Variants in XYLT1 observed in about 807,000 individuals in gnomAD.
XYLT1 encodes beta-D-xylosyltransferase 1.
In XYLT1, 36 loss-of-function variants were observed where a neutral mutation model predicts 91.3. That is an observed-to-expected ratio of 0.39 (90% CI 0.30 to 0.52). The LOEUF is 0.52. Ranked by LOEUF, XYLT1 falls within the 20% of genes least tolerant of loss-of-function variation. The pLI is 0.68. For missense variants in XYLT1, 1,242 were observed against 1,284.5 expected, an observed-to-expected ratio of 0.97 and a Z score of 0.51; for synonymous variants, 588 against 532.0, an observed-to-expected ratio of 1.11 and a Z score of -1.45.
intron 5 of XYLT1, among the ~76,000 whole-genome samples, chr16:17,162,210 C>A (rs2031571864): frequency 6.6e-6 from 1 of 152,022 alleles, no homozygotes; most frequent in African/African-American, 2.4e-5. Context: ...GAGTTTGAGA[C>A]CAGCCCGGCC....
chr16:17,109,758 A>C (rs576264686), intron 11 of XYLT1, among the ~76,000 whole-genome samples: 168 of 152,350 alleles, frequency 1.1e-3, no homozygotes, highest in African/African-American at 3.9e-3. Flanking sequence ...AGCCCTTTAC[A>C]GAAAAATTTT....
At chr16:17,423,351 T>C (rs921606063) in intron 1 of XYLT1, among the ~76,000 whole-genome samples, 1 of 149,872 alleles carries the variant, frequency 6.7e-6, no homozygotes, top group Non-Finnish European at 1.5e-5. Context: ...CAGGGGCAGC[T>C]GAGTCTCCTC....
At chr16:17,232,511 C>A (rs1001809375) in intron 3 of XYLT1, among the ~76,000 whole-genome samples, 2 of 147,766 alleles carry the variant, frequency 1.4e-5, no homozygotes, top group Non-Finnish European at 3.0e-5. Flanking sequence ...ATAAAACTTG[C>A]AAAGGGCTTT....
chr16:17,421,865 TCTCA>T (rs779903958), intron 1 of XYLT1, among the ~76,000 whole-genome samples: 3 of 151,782 alleles, frequency 2.0e-5, no homozygotes, highest in Non-Finnish European at 1.5e-5. Context: ...CAAGACCGAG[TCTCA>T]CTCAATCACC....
chr16:17,451,827 A>C (rs899069574), intron 1 of XYLT1, among the ~76,000 whole-genome samples: 2 of 152,208 alleles, frequency 1.3e-5, no homozygotes, highest in Admixed American at 1.3e-4. Flanking sequence ...TACAAGACAC[A>C]GTAAGGCATG....
intron 2 of XYLT1, among the ~76,000 whole-genome samples, chr16:17,339,357 A>G (rs1021694990): frequency 6.6e-6 from 1 of 152,222 alleles, no homozygotes; most frequent in African/African-American, 2.4e-5. Flanking sequence ...CGAGACTTTG[A>G]CACCAACAGA....
At chr16:17,360,968 A>G (rs114696888) in intron 1 of XYLT1, among the ~76,000 whole-genome samples, 2,291 of 152,268 alleles carry the variant, frequency 0.015, 53 homozygotes, top group African/African-American at 0.052. Context: ...ATCTATTGCA[A>G]TGGCTCAGTT....
At chr16:17,195,853 A>G (rs2032417288) in intron 5 of XYLT1, among the ~76,000 whole-genome samples, 1 of 152,252 alleles carries the variant, frequency 6.6e-6, no homozygotes, top group African/African-American at 2.4e-5. Flanking sequence ...GCAGAGGAGA[A>G]GTACAGGAAG....
At chr16:17,455,862 C>T (rs1230827348) in intron 1 of XYLT1, among the ~76,000 whole-genome samples, 1 of 152,206 alleles carries the variant, frequency 6.6e-6, no homozygotes, top group East Asian at 1.9e-4. Context: ...TACAGCAAAA[C>T]CTGCGCTGGA....
At chr16:17,338,597 T>G (rs1188207420) in intron 2 of XYLT1, 1 of 428,552 alleles carries the variant, frequency 2.3e-6, no homozygotes, top group African/African-American at 2.0e-5. Flanking sequence ...TGTCCCCTTA[T>G]CCTGGTCATT....
chr16:17,412,086 C>G (rs1220489295), intron 1 of XYLT1, among the ~76,000 whole-genome samples: 1 of 152,042 alleles, frequency 6.6e-6, no homozygotes, highest in African/African-American at 2.4e-5. Context: ...TAGCGAGTGT[C>G]CAGAACCTCA....
chr16:17,298,019 CAA>C (rs60593780), intron 2 of XYLT1, among the ~76,000 whole-genome samples: 9 of 105,588 alleles, frequency 8.5e-5, no homozygotes, highest in Admixed American at 9.5e-5. Context: ...GACTCCGTCT[CAA>C]AAAAAAAAAA....
chr16:17,111,483 A>C (rs1966840716), intron 11 of XYLT1, among the ~76,000 whole-genome samples: 1 of 152,184 alleles, frequency 6.6e-6, no homozygotes, highest in Admixed American at 6.5e-5. Context: ...CTAGGATTAC[A>C]AGAAACCTTC....
At chr16:17,220,626 CCA>C (rs1324595923) in intron 3 of XYLT1, among the ~76,000 whole-genome samples, 1 of 152,166 alleles carries the variant, frequency 6.6e-6, no homozygotes, top group Non-Finnish European at 1.5e-5. Flanking sequence ...GTGTGTGCCA[CCA>C]CACTCGGCTA....
In XYLT1 at chr16:17,470,880, G is replaced by T. The variant is rs979974870; in HGVS notation, c.-84C>A. Reference sequence around the variant, plus strand: ...CGCGCTCCCCGCAGCTCCCGCGGCCGCCGGCTGCCGCTCGGGCTCCCGCTC... The same window carrying T: ...CGCGCTCCCCGCAGCTCCCGCGGCCTCCGGCTGCCGCTCGGGCTCCCGCTC... On this transcript the variant is annotated 5_prime_UTR_variant, in exon 1 of 12. Transcript: ENST00000261381. The T allele has an allele frequency of 3.1e-4, 256 of 824,764 alleles. No individual in the cohort carries two copies. Among genetic ancestry groups the T allele is most frequent in the Non-Finnish European group, 3.3e-4 (249 of 753,306 alleles). 51.1% of individuals were successfully genotyped at this position (824,764 alleles called of 1,614,324 possible).
chr16:17,304,870 G>A (rs1370967408), intron 2 of XYLT1, among the ~76,000 whole-genome samples: 1 of 152,126 alleles, frequency 6.6e-6, no homozygotes, highest in African/African-American at 2.4e-5. Context: ...CTTGGGTTTG[G>A]ATAGTAAAAT....
At chr16:17,228,180 G>T (rs1023875687) in intron 3 of XYLT1, among the ~76,000 whole-genome samples, 5 of 152,212 alleles carry the variant, frequency 3.3e-5, no homozygotes, top group African/African-American at 1.2e-4. Flanking sequence ...AGCCCCTGGG[G>T]AAGCCCAACT....
At chr16:17,465,079 G>A (rs1241189097) in intron 1 of XYLT1, among the ~76,000 whole-genome samples, 3 of 142,726 alleles carry the variant, frequency 2.1e-5, no homozygotes, top group Middle Eastern at 3.6e-3. Flanking sequence ...AGGAGGCGGA[G>A]GTTGCAGTGA....
chr16:17,158,966 C>A (rs1215911283), intron 5 of XYLT1, 57 bp from the exon 6 acceptor site: 18 of 1,502,914 alleles, frequency 1.2e-5, no homozygotes, highest in Non-Finnish European at 1.5e-5. Flanking sequence ...CTGTCTTTGT[C>A]ACAGAAAGCA....
Sources: allele counts gnomAD v4.1 joint callset (sites outside exome capture counted in the v4.1 genomes callset), GRCh38; gene constraint gnomAD v4.1.1; transcripts MANE v1.5; gene names NCBI Gene and HGNC (gene_info 2026-07-23, HGNC 2026-07-21).